The following HPSE2 variants were observed in gnomAD, a reference collection of about 807,000 sequenced individuals.
HPSE2 encodes inactive heparanase-2.
Under a neutral mutation model 60.5 loss-of-function variants are expected in HPSE2, and 38 were observed. The observed-to-expected ratio is 0.63, with a 90% CI of 0.48 to 0.82. The LOEUF (loss-of-function observed/expected upper bound fraction) is 0.82, where lower values mean the gene tolerates loss of function less well. Among genes scored for constraint, HPSE2 ranks in the 40% least tolerant of loss-of-function variants. HPSE2 has a pLI of 0.00. For missense variants in HPSE2, 713 were observed against 740.4 expected (o/e 0.96, Z 0.43); for synonymous variants, 295 against 293.2 (o/e 1.01, Z -0.06).
At chr10:99,086,778 T>C (rs1276057321) in intron 3 of HPSE2, among the ~76,000 whole-genome samples, 1 of 152,244 alleles carries the variant, frequency 6.6e-6, no homozygotes. Context: ...TTTCCCATTT[T>C]GAAGACTAAA....
At chr10:99,148,261 A>G (rs563549099) in intron 2 of HPSE2, among the ~76,000 whole-genome samples, 172 of 152,338 alleles carry the variant, frequency 1.1e-3, no homozygotes, top group African/African-American at 4.0e-3. Flanking sequence ...GTGGCAGACA[A>G]AACACCTTTC....
chr10:98,610,321 T>C (rs2133965253), intron 9 of HPSE2, among the ~76,000 whole-genome samples: 1 of 152,300 alleles, frequency 6.6e-6, no homozygotes, highest in African/African-American at 2.4e-5. Flanking sequence ...GATCTTGTCC[T>C]AGGATCTTGT....
At position 98,716,467 on chromosome 10, in the gene HPSE2, T is replaced by TAAATG. The variant is rs1308935424; in HGVS notation, c.956+5189_956+5190insCATTT. ...AAAATAAATAAATAAATAAATAAAT[T>TAAATG]TAAAAAAATAATGCTATTTCAACCT... On this transcript the variant is annotated intron_variant, in intron 5 of 11. Coordinates refer to ENST00000370552, the MANE Select transcript of HPSE2 (RefSeq NM_021828.5). Among the ~76,000 whole-genome samples, 5 of 73,268 alleles carry TAAATG rather than the reference T, an allele frequency of 6.8e-5. No individual in the cohort carries two copies. In the East Asian group the frequency reaches 2.4e-3, roughly 35 times the overall value. The allele number at this position is 73,268 out of a possible 152,430, so 48.1% of individuals were successfully genotyped here. A position where few individuals can be genotyped will look rare whatever the true frequency, so the allele number is the denominator to read the frequency against.
intron 3 of HPSE2, among the ~76,000 whole-genome samples, chr10:98,896,237 G>A (rs2134959395): frequency 6.6e-6 from 1 of 152,090 alleles, no homozygotes; most frequent in South Asian, 2.1e-4. Flanking sequence ...GAATTGCAAA[G>A]TCAAACCCAG....
At chr10:98,733,611 T>C (rs1162845240) in intron 4 of HPSE2, among the ~76,000 whole-genome samples, 1 of 152,218 alleles carries the variant, frequency 6.6e-6, no homozygotes, top group East Asian at 1.9e-4. Flanking sequence ...AATGTGTTTC[T>C]TCACTTGTTT....
At chr10:98,751,687 C>A (rs1342148426) in intron 3 of HPSE2, among the ~76,000 whole-genome samples, 3 of 152,170 alleles carry the variant, frequency 2.0e-5, no homozygotes, top group Admixed American at 6.5e-5. Context: ...ACAACAAAAT[C>A]TAGAGACTGG....
At chr10:99,309,796 T>C in the HPSE2 span, among the ~76,000 whole-genome samples, 1 of 152,238 alleles carries the variant, frequency 6.6e-6, no homozygotes, top group African/African-American at 2.4e-5. Context: ...GGGCTATAAA[T>C]TGGTGCAACC....
At chr10:98,539,172 G>A (rs1943381269) in intron 9 of HPSE2, among the ~76,000 whole-genome samples, 1 of 152,146 alleles carries the variant, frequency 6.6e-6, no homozygotes, top group African/African-American at 2.4e-5. Flanking sequence ...CAACAAATCA[G>A]CCCCACAATA....
chr10:98,626,604 A>G (rs953932630), intron 7 of HPSE2, among the ~76,000 whole-genome samples: 5 of 152,098 alleles, frequency 3.3e-5, no homozygotes, highest in Admixed American at 6.5e-5. Flanking sequence ...TTGCAGGAGT[A>G]TCCGGAGAAA....
chr10:99,113,852 C>G (rs1304994924), intron 3 of HPSE2, among the ~76,000 whole-genome samples: 1 of 150,640 alleles, frequency 6.6e-6, no homozygotes, highest in Non-Finnish European at 1.5e-5. Flanking sequence ...TTTTTTTTGG[C>G]TCAACTTCTT....
At chr10:99,159,573 G>C in intron 2 of HPSE2, among the ~76,000 whole-genome samples, 1 of 152,098 alleles carries the variant, frequency 6.6e-6, no homozygotes, top group Non-Finnish European at 1.5e-5. Flanking sequence ...TACAACTTCT[G>C]CAAGTTTTTG....
intron 4 of HPSE2, among the ~76,000 whole-genome samples, chr10:98,735,965 T>G (rs1029683695): frequency 6.6e-6 from 1 of 152,040 alleles, no homozygotes; most frequent in East Asian, 1.9e-4. Flanking sequence ...TGGGAAGGCA[T>G]GATTGGTTTT....
chr10:99,039,686 G>A (rs776612523), intron 3 of HPSE2, among the ~76,000 whole-genome samples: 1 of 151,984 alleles, frequency 6.6e-6, no homozygotes, highest in Non-Finnish European at 1.5e-5. Context: ...ATCATAGAAA[G>A]TCTTCAATAA....
At chr10:98,941,955 A>T (rs1444994179) in intron 3 of HPSE2, among the ~76,000 whole-genome samples, 1 of 142,576 alleles carries the variant, frequency 7.0e-6, no homozygotes, top group Non-Finnish European at 1.5e-5. Context: ...TCTTTGACAA[A>T]CCTGAGAAAA....
At chr10:98,810,803 T>C (rs1386349497) in intron 3 of HPSE2, among the ~76,000 whole-genome samples, 2 of 151,946 alleles carry the variant, frequency 1.3e-5, no homozygotes. Flanking sequence ...CAAAAATATC[T>C]CTTGTTTAAG....
At chr10:99,103,959 C>A (rs538649514) in intron 3 of HPSE2, among the ~76,000 whole-genome samples, 1 of 152,272 alleles carries the variant, frequency 6.6e-6, no homozygotes, top group African/African-American at 2.4e-5. Flanking sequence ...GGATCCCTTC[C>A]TTACACCTTA....
chr10:98,935,111 G>C (rs1367056251), intron 3 of HPSE2, among the ~76,000 whole-genome samples: 1 of 141,832 alleles, frequency 7.1e-6, no homozygotes, highest in East Asian at 2.0e-4. Flanking sequence ...CAAAGTTCTC[G>C]TGTTGTGTTT....
intron 7 of HPSE2, among the ~76,000 whole-genome samples, chr10:98,638,754 T>A (rs999437761): frequency 6.6e-6 from 1 of 152,200 alleles, no homozygotes; most frequent in Non-Finnish European, 1.5e-5. Context: ...GGGTCCAGAC[T>A]GCTTTAGCCA....
intron 3 of HPSE2, among the ~76,000 whole-genome samples, chr10:99,042,227 C>T (rs940846316): frequency 6.6e-5 from 10 of 152,070 alleles, no homozygotes; most frequent in Admixed American, 5.9e-4. Context: ...CCACGACAGC[C>T]GTCCTATGGA....
Sources: gnomAD v4.1 joint callset for allele counts (sites outside exome capture counted in the v4.1 genomes callset) on GRCh38, gnomAD v4.1.1 for gene constraint, MANE v1.5 for transcripts, NCBI Gene and HGNC (gene_info 2026-07-23, HGNC 2026-07-21) for gene names.